The following RNF144A variants were observed in gnomAD, a reference collection of about 807,000 sequenced individuals.
The protein encoded by RNF144A is ring finger protein 144A, also known as E3 ubiquitin-protein ligase RNF144A.
A neutral mutation model predicts 38.7 loss-of-function variants in RNF144A; 11 were observed. That is an observed-to-expected ratio of 0.28 (90% CI 0.18 to 0.47). The LOEUF is 0.47. Ranked by LOEUF, RNF144A falls within the 20% of genes least tolerant of loss-of-function variation. RNF144A has a pLI of 0.99. For synonymous variants in RNF144A, 149 were observed against 143.9 expected (o/e 1.04, Z -0.25); for missense variants, 316 against 377.2 (o/e 0.84, Z 1.34).
chr2:6,989,865 C>G (rs1008129547), intron 2 of RNF144A, among the ~76,000 whole-genome samples: 1 of 152,044 alleles, frequency 6.6e-6, no homozygotes, highest in Middle Eastern at 3.4e-3. Flanking sequence ...AGTAGATACC[C>G]TTTTCTTAAA....
At chr2:6,996,119 C>A (rs1669720784) in intron 2 of RNF144A, among the ~76,000 whole-genome samples, 1 of 152,224 alleles carries the variant, frequency 6.6e-6, no homozygotes, top group South Asian at 2.1e-4. Context: ...GATGCTACGA[C>A]ATTTCTTCCT....
chr2:6,971,687 G>A (rs1668006867), intron 2 of RNF144A, among the ~76,000 whole-genome samples: 1 of 152,130 alleles, frequency 6.6e-6, no homozygotes, highest in Admixed American at 6.5e-5. Context: ...CCTGTCCTCT[G>A]ATGTGCCATG....
Position 6,944,675 on chromosome 2 carries a change from G to A in RNF144A, c.-12+3528G>A, listed in dbSNP as rs1666220825. On this transcript the variant is annotated intron_variant, in intron 2 of 8. Coordinates refer to ENST00000320892, the MANE Select transcript of RNF144A (RefSeq NM_014746.6). This position sits in a 1 kb window ranked among gnomAD's most constrained non-coding sequence, Gnocchi z 4.7. ...GCCCCGAGATAGGGTCTCCTCAGGT[G>A]TGAGGGAGACATTAAAGAACCCTGG... 6.6e-6 allele frequency among the ~76,000 whole-genome samples: 1 copy of A among 152,126 alleles called. No homozygotes were observed. The highest frequency in any genetic ancestry group is 6.5e-5 in the Admixed American group (1 of 15,286).
intron 2 of RNF144A, among the ~76,000 whole-genome samples, chr2:6,987,520 A>G (rs1279879106): frequency 6.6e-6 from 1 of 152,204 alleles, no homozygotes; most frequent in Non-Finnish European, 1.5e-5. Context: ...AAACAGTTCC[A>G]TGTAAGTAGA....
chr2:6,992,075 G>T (rs771269), intron 2 of RNF144A, among the ~76,000 whole-genome samples: 5 of 152,124 alleles, frequency 3.3e-5, no homozygotes, highest in Non-Finnish European at 7.3e-5. Flanking sequence ...CTTGTAGACA[G>T]GACAGCTGAG....
intron 8 of RNF144A, among the ~76,000 whole-genome samples, chr2:7,032,739 A>G (rs149018500): frequency 6.6e-6 from 1 of 152,228 alleles, no homozygotes; most frequent in Admixed American, 6.5e-5. Flanking sequence ...CCTCATGGTA[A>G]CTTGATTGCA....
At chr2:7,045,881 C>T (rs752258021), downstream of RNF144A, among the ~76,000 whole-genome samples, 9 of 141,950 alleles carry the variant, frequency 6.3e-5, no homozygotes, top group South Asian at 5.3e-4. Flanking sequence ...ATTCTTGAAG[C>T]GGGCCTGGAA....
At chr2:6,979,573 G>A (rs544561641) in intron 2 of RNF144A, among the ~76,000 whole-genome samples, 10 of 151,526 alleles carry the variant, frequency 6.6e-5, no homozygotes, top group Non-Finnish European at 1.0e-4. Context: ...TTAGTATTTC[G>A]AAAGGTGAAA....
intron 1 of RNF144A, among the ~76,000 whole-genome samples, chr2:6,939,174 C>T (rs1665802106): frequency 6.6e-6 from 1 of 152,196 alleles, no homozygotes; most frequent in African/African-American, 2.4e-5. Context: ...TTTCCTAAAG[C>T]AGCTGCACCA....
chr2:7,039,925 G>C lies in RNF144A; in HGVS notation c.*165G>C. The C allele has an allele frequency of 7.0e-7, 1 of 1,426,704 alleles. No homozygotes were observed. The highest frequency in any genetic ancestry group is 1.5e-5 in the South Asian group (1 of 66,952). 88.4% of individuals were successfully genotyped at this position (1,426,704 alleles called of 1,614,324 possible). A position where few individuals can be genotyped will look rare whatever the true frequency, so the allele number is the denominator to read the frequency against. ...TGATTTCAGGGACCTATGTCACAATGTTCGCTGAGGCCCCAGGTGTGGTGG... is the reference window on the plus strand; with the variant it reads ...TGATTTCAGGGACCTATGTCACAATCTTCGCTGAGGCCCCAGGTGTGGTGG... On this transcript the variant is annotated 3_prime_UTR_variant, in exon 9 of 9. Transcript: ENST00000320892.
chr2:6,955,165 T>G (rs1666924129), intron 2 of RNF144A, among the ~76,000 whole-genome samples: 2 of 152,208 alleles, frequency 1.3e-5, no homozygotes, highest in Non-Finnish European at 2.9e-5. Context: ...TGTGCAAATA[T>G]GAACACTTAA....
intron 6 of RNF144A, among the ~76,000 whole-genome samples, chr2:7,054,034 T>G (rs1475672282): frequency 6.6e-6 from 1 of 152,138 alleles, no homozygotes; most frequent in Non-Finnish European, 1.5e-5. Flanking sequence ...CTTGTGCTTG[T>G]GGCCAGAGAG....
intron 3 of RNF144A, among the ~76,000 whole-genome samples, chr2:6,998,801 A>G (rs1436945198): frequency 2.6e-5 from 4 of 152,132 alleles, no homozygotes; most frequent in African/African-American, 7.2e-5. Context: ...GATGGATTCA[A>G]TAACTAGCCT....
intron 8 of RNF144A, 86 bp downstream of exon 8, chr2:7,030,301 G>GTGTGTGTGTGTGTGTA (rs1558447642): frequency 4.7e-6 from 3 of 641,960 alleles, no homozygotes; most frequent in Non-Finnish European, 7.2e-6. Flanking sequence ...GTGTGTGTGT[G>GTGTGTGTGTGTGTGTA]TGTGTATGTA....
intron 1 of RNF144A, among the ~76,000 whole-genome samples, chr2:6,921,956 G>T (rs1041383528): frequency 1.3e-5 from 2 of 152,210 alleles, no homozygotes; most frequent in African/African-American, 4.8e-5. Context: ...TTTTAGGGTG[G>T]CTGGTGGTCT....
intron 2 of RNF144A, among the ~76,000 whole-genome samples, chr2:6,983,288 G>C (rs889556735): frequency 2.6e-5 from 4 of 152,164 alleles, no homozygotes; most frequent in African/African-American, 7.2e-5. Context: ...CCTGGAAGCT[G>C]TGTGTGTGCC....
At chr2:7,000,170 T>C (rs1218578201) in intron 3 of RNF144A, among the ~76,000 whole-genome samples, 1 of 152,256 alleles carries the variant, frequency 6.6e-6, no homozygotes, top group Admixed American at 6.5e-5. Flanking sequence ...TTCCAGGTGC[T>C]GTGCTAGGCC....
intron 3 of RNF144A, among the ~76,000 whole-genome samples, chr2:6,999,806 G>A (rs369061504): frequency 2.6e-5 from 4 of 152,216 alleles, no homozygotes; most frequent in East Asian, 3.9e-4. Flanking sequence ...CAGAGTTTGG[G>A]CAGCTCTCCC....
At chr2:6,969,411 C>T (rs1424409161) in intron 2 of RNF144A, among the ~76,000 whole-genome samples, 1 of 152,140 alleles carries the variant, frequency 6.6e-6, no homozygotes, top group Non-Finnish European at 1.5e-5. Flanking sequence ...CGGCCACCGA[C>T]AAGCCAGGGA....
Sources: allele counts gnomAD v4.1 joint callset (sites outside exome capture counted in the v4.1 genomes callset), GRCh38; gene constraint gnomAD v4.1.1; non-coding constraint Gnocchi (gnomAD v3.1); transcripts MANE v1.5; gene names NCBI Gene and HGNC (gene_info 2026-07-23, HGNC 2026-07-21).